ARK2C: variants seen among roughly 807,000 people sequenced by gnomAD.
ARK2C encodes the protein arkadia (RNF111) C-terminal like ring finger ubiquitin ligase 2C.
At chr18:46,408,553 A>T in the ARK2C span, among the ~76,000 whole-genome samples, 292 of 152,370 alleles carry the variant, frequency 1.9e-3, no homozygotes, top group African/African-American at 6.8e-3. Context: ...AGTTAAGGTT[A>T]TCAGCCTGCT....
At chr18:46,447,441 T>C in the ARK2C span, 9 of 1,031,428 alleles carry the variant, frequency 8.7e-6, no homozygotes, top group African/African-American at 1.1e-4. Context: ...AGATGTAAAG[T>C]TCCTTGCAGC....
At chr18:46,432,235 C>T in the ARK2C span, among the ~76,000 whole-genome samples, 1 of 152,180 alleles carries the variant, frequency 6.6e-6, no homozygotes. Flanking sequence ...TGTCATCAAG[C>T]TCAATTTTAT....
the ARK2C span, among the ~76,000 whole-genome samples, chr18:46,403,517 C>G: frequency 6.6e-6 from 1 of 152,218 alleles, no homozygotes; most frequent in Non-Finnish European, 1.5e-5. Context: ...TCTTCAATTT[C>G]TTGACTCTTT....
chr18:46,456,731 C>A, the ARK2C span: 38 of 859,416 alleles, frequency 4.4e-5, no homozygotes, highest in Non-Finnish European at 7.3e-5. Context: ...AGCCATTTGA[C>A]GTAGAGGAAA....
At chr18:46,369,730 G>C in the ARK2C span, among the ~76,000 whole-genome samples, 7 of 152,030 alleles carry the variant, frequency 4.6e-5, no homozygotes, top group African/African-American at 1.7e-4. Context: ...TAAACCGGGG[G>C]GTCCTTATTC....
At chr18:46,413,207 A>G in the ARK2C span, among the ~76,000 whole-genome samples, 1 of 152,122 alleles carries the variant, frequency 6.6e-6, no homozygotes, top group South Asian at 2.1e-4. Flanking sequence ...AGAATAAGGC[A>G]GCCTGCCCCG....
the ARK2C span, among the ~76,000 whole-genome samples, chr18:46,406,124 G>A: frequency 2.6e-5 from 4 of 152,034 alleles, no homozygotes; most frequent in African/African-American, 9.7e-5. Context: ...TCCCCTCATA[G>A]ACACACACTT....
At chr18:46,427,111 C>T in the ARK2C span, among the ~76,000 whole-genome samples, 1 of 152,258 alleles carries the variant, frequency 6.6e-6, no homozygotes, top group African/African-American at 2.4e-5. Flanking sequence ...TTCCAGTTCC[C>T]TTCTCAGCAG....
the ARK2C span, among the ~76,000 whole-genome samples, chr18:46,343,978 G>A: frequency 7.6e-4 from 116 of 152,300 alleles, no homozygotes; most frequent in African/African-American, 2.6e-3. Context: ...ACATTCCCCC[G>A]GATGCTGCTG....
At chr18:46,444,161 T>C in the ARK2C span, among the ~76,000 whole-genome samples, 2 of 152,152 alleles carry the variant, frequency 1.3e-5, no homozygotes, top group South Asian at 2.1e-4. Flanking sequence ...GGGTCTTTTG[T>C]TCTTTCACTA....
chr18:46,376,395 G>A, the ARK2C span, among the ~76,000 whole-genome samples: 6 of 152,240 alleles, frequency 3.9e-5, no homozygotes, highest in South Asian at 2.1e-4. Flanking sequence ...AGGCCACAGC[G>A]TGGCCCTGGA....
chr18:46,341,317 G>C, the ARK2C span, among the ~76,000 whole-genome samples: 1 of 103,180 alleles, frequency 9.7e-6, no homozygotes, highest in Non-Finnish European at 2.0e-5. Flanking sequence ...CTGAGGTCAG[G>C]GAGGGGGGTG....
the ARK2C span, among the ~76,000 whole-genome samples, chr18:46,416,425 G>A: frequency 2.6e-5 from 4 of 152,220 alleles, no homozygotes; most frequent in East Asian, 5.8e-4. Context: ...CCTGTCCTGA[G>A]GGTGCTCTGG....
the ARK2C span, among the ~76,000 whole-genome samples, chr18:46,363,945 C>CTTTTTT: frequency 4.8e-5 from 6 of 125,574 alleles, no homozygotes; most frequent in African/African-American, 9.3e-5. Context: ...TTTTTCTTTT[C>CTTTTTT]TTTTTTTTTT....
the ARK2C span, among the ~76,000 whole-genome samples, chr18:46,436,387 G>A: frequency 1.3e-5 from 2 of 152,188 alleles, no homozygotes; most frequent in Non-Finnish European, 2.9e-5. Flanking sequence ...GAATCTGGGT[G>A]AAGGGTATAC....
the ARK2C span, among the ~76,000 whole-genome samples, chr18:46,353,923 G>A: frequency 6.6e-6 from 1 of 151,966 alleles, no homozygotes; most frequent in African/African-American, 2.4e-5. Flanking sequence ...CAGCTCTAAG[G>A]GTTTTATTGG....
At chr18:46,353,710 C>A in the ARK2C span, among the ~76,000 whole-genome samples, 4 of 152,158 alleles carry the variant, frequency 2.6e-5, no homozygotes, top group Non-Finnish European at 4.4e-5. Context: ...CTTCCCACAG[C>A]GTTGTGGCCC....
the ARK2C span, among the ~76,000 whole-genome samples, chr18:46,420,440 C>T: frequency 6.6e-6 from 1 of 152,172 alleles, no homozygotes; most frequent in African/African-American, 2.4e-5. Flanking sequence ...GTTCTGCACA[C>T]CTCAATAGGA....
At chr18:46,341,322 G>A in the ARK2C span, among the ~76,000 whole-genome samples, 2 of 148,318 alleles carry the variant, frequency 1.3e-5, no homozygotes, top group African/African-American at 4.9e-5. Context: ...GTCAGGGAGG[G>A]GGGTGGGACA....
Sources: gnomAD v4.1 joint callset for allele counts (sites outside exome capture counted in the v4.1 genomes callset) on GRCh38, gnomAD v4.1.1 for gene constraint, MANE v1.5 for transcripts, NCBI Gene and HGNC (gene_info 2026-07-23, HGNC 2026-07-21) for gene names.